Variants in PTPRD observed in about 807,000 individuals in gnomAD.
PTPRD encodes receptor-type tyrosine-protein phosphatase delta.
PTPRD carries 34 observed loss-of-function variants against 214.5 expected under a neutral mutation model. The observed-to-expected ratio is 0.16, with a 90% CI of 0.12 to 0.21. PTPRD has a LOEUF of 0.21. PTPRD is among the 10% of genes least tolerant of loss of function. PTPRD has a pLI of 1.00. For synonymous variants in PTPRD, 1,128 were observed against 845.7 expected, an observed-to-expected ratio of 1.33 and a Z score of -5.79; for missense variants, 2,545 against 2,398.7, an observed-to-expected ratio of 1.06 and a Z score of -1.27.
chr9:9,065,162 C>T (rs1156362868), intron 10 of PTPRD, among the ~76,000 whole-genome samples: 3 of 152,052 alleles, frequency 2.0e-5, no homozygotes, highest in Non-Finnish European at 4.4e-5. Context: ...AGGTAATAAA[C>T]ATATTAAGCA....
chr9:9,892,673 A>G (rs946779853), intron 5 of PTPRD, among the ~76,000 whole-genome samples: 1 of 152,060 alleles, frequency 6.6e-6, no homozygotes, highest in Non-Finnish European at 1.5e-5. Flanking sequence ...GGTCAAAGAC[A>G]GACTTTGGTG....
At chr9:8,605,370 T>C (rs1435961606) in intron 14 of PTPRD, among the ~76,000 whole-genome samples, 14 of 152,192 alleles carry the variant, frequency 9.2e-5, no homozygotes, top group South Asian at 2.1e-4. Context: ...TTTGAGCTCA[T>C]TCAACCGAAC....
At chr9:9,881,823 A>G (rs1278068184) in intron 5 of PTPRD, among the ~76,000 whole-genome samples, 4 of 152,160 alleles carry the variant, frequency 2.6e-5, no homozygotes, top group African/African-American at 4.8e-5. Context: ...GAAACTTGAC[A>G]TATGCCAGAA....
At chr9:10,231,533 G>A (rs765947029) in intron 3 of PTPRD, among the ~76,000 whole-genome samples, 2 of 151,924 alleles carry the variant, frequency 1.3e-5, no homozygotes, top group South Asian at 2.1e-4. Context: ...TATTTGGGAT[G>A]GGGGTGGAGA....
intron 2 of PTPRD, among the ~76,000 whole-genome samples, chr9:10,434,669 G>A (rs2098705523): frequency 1.3e-5 from 2 of 151,924 alleles, no homozygotes; most frequent in African/African-American, 4.8e-5. Flanking sequence ...AACAGCAGGA[G>A]TTAAATAACT....
chr9:9,700,224 A>G (rs2097467240), intron 7 of PTPRD, among the ~76,000 whole-genome samples: 1 of 152,154 alleles, frequency 6.6e-6, no homozygotes, highest in African/African-American at 2.4e-5. Flanking sequence ...AAACTTCTAC[A>G]TAAAAGTGGA....
intron 2 of PTPRD, among the ~76,000 whole-genome samples, chr9:10,599,302 G>C (rs1448129258): frequency 6.6e-6 from 1 of 151,742 alleles, no homozygotes; most frequent in African/African-American, 2.4e-5. Flanking sequence ...TATTATCTGA[G>C]TATGATGATT....
chr9:8,916,113 A>C (rs12551480), intron 11 of PTPRD, among the ~76,000 whole-genome samples: 1 of 152,098 alleles, frequency 6.6e-6, no homozygotes, highest in East Asian at 1.9e-4. Flanking sequence ...GTTTGTGATG[A>C]CTCAGTGACA....
chr9:9,703,860 A>G (rs1427196002), intron 7 of PTPRD, among the ~76,000 whole-genome samples: 2 of 152,134 alleles, frequency 1.3e-5, no homozygotes, highest in Non-Finnish European at 2.9e-5. Context: ...AATAAACTTT[A>G]TCCAGTAGAA....
intron 5 of PTPRD, among the ~76,000 whole-genome samples, chr9:9,858,866 T>C (rs2062074822): frequency 6.6e-6 from 1 of 152,098 alleles, no homozygotes; most frequent in Admixed American, 6.6e-5. Context: ...ATCCAACCCA[T>C]CCATTTCACA....
intron 2 of PTPRD, among the ~76,000 whole-genome samples, chr9:10,356,624 T>C (rs2097282988): frequency 6.6e-6 from 1 of 152,198 alleles, no homozygotes; most frequent in South Asian, 2.1e-4. Context: ...TTTTCCTAAA[T>C]TGTGAGTAGT....
At chr9:9,262,888 C>T (rs2099980749) in intron 9 of PTPRD, among the ~76,000 whole-genome samples, 1 of 151,558 alleles carries the variant, frequency 6.6e-6, no homozygotes. Context: ...GTTGACTCTG[C>T]TTTCAAAAAT....
At chr9:9,788,483 C>T (rs1210712508) in intron 5 of PTPRD, among the ~76,000 whole-genome samples, 1 of 143,224 alleles carries the variant, frequency 7.0e-6, no homozygotes, top group Non-Finnish European at 1.5e-5. Flanking sequence ...ACCCGGGAGG[C>T]AGAGCTTGCA....
At chr9:8,941,060 A>C (rs2099031059) in intron 11 of PTPRD, among the ~76,000 whole-genome samples, 1 of 152,158 alleles carries the variant, frequency 6.6e-6, no homozygotes, top group African/African-American at 2.4e-5. Context: ...ACTCCTGATA[A>C]ACCCATCTCA....
intron 11 of PTPRD, among the ~76,000 whole-genome samples, chr9:8,905,390 G>A (rs2098700468): frequency 6.6e-6 from 1 of 151,884 alleles, no homozygotes; most frequent in Non-Finnish European, 1.5e-5. Flanking sequence ...CAGATGCACT[G>A]CACTTCCTTT....
chr9:9,735,563 A>G (rs186445906), intron 6 of PTPRD, among the ~76,000 whole-genome samples: 37 of 152,216 alleles, frequency 2.4e-4, no homozygotes, highest in Non-Finnish European at 3.8e-4. Flanking sequence ...TTGGGCCAGA[A>G]TAATCTCCAT....
chr9:10,215,359 G>C (rs912597671), intron 3 of PTPRD, among the ~76,000 whole-genome samples: 1 of 151,850 alleles, frequency 6.6e-6, no homozygotes, highest in Non-Finnish European at 1.5e-5. Flanking sequence ...CAATATATTA[G>C]ACATTTTACA....
intron 3 of PTPRD, among the ~76,000 whole-genome samples, chr9:10,131,599 T>A (rs1228864525): frequency 6.6e-6 from 1 of 152,170 alleles, no homozygotes; most frequent in East Asian, 1.9e-4. Context: ...ATGTATTAAA[T>A]ACCTCCCATT....
At chr9:8,495,924 C>T (rs1045160468) in intron 26 of PTPRD, among the ~76,000 whole-genome samples, 2 of 152,098 alleles carry the variant, frequency 1.3e-5, no homozygotes, top group African/African-American at 4.8e-5. Flanking sequence ...TTCTATATCA[C>T]TCTAATATTG....
Sources: gnomAD v4.1 joint callset for allele counts (sites outside exome capture counted in the v4.1 genomes callset) on GRCh38, gnomAD v4.1.1 for gene constraint, MANE v1.5 for transcripts, NCBI Gene and HGNC (gene_info 2026-07-23, HGNC 2026-07-21) for gene names.